The following ROCK2 variants were observed in gnomAD, a reference collection of about 807,000 sequenced individuals.
ROCK2 encodes Rho associated coiled-coil containing protein kinase 2.
ROCK2 carries 61 observed loss-of-function variants against 195.1 expected under a neutral mutation model. That is an observed-to-expected ratio of 0.31 (90% confidence interval 0.25 to 0.39). The LOEUF (loss-of-function observed/expected upper bound fraction) is 0.39, where lower values mean the gene tolerates loss of function less well. Among genes scored for constraint, ROCK2 ranks in the 10% least tolerant of loss-of-function variants. The probability of loss-of-function intolerance (pLI) is 1.00; values close to 1 mark genes in which losing one functional copy is unlikely to be tolerated. For synonymous variants in ROCK2, 504 were observed against 545.5 expected (o/e 0.92, Z 1.06); for missense variants, 1,109 against 1,637.4 (o/e 0.68, Z 5.57).
At chr2:11,224,230 A>G (rs1664735615) in intron 7 of ROCK2, 92 bp downstream of exon 7, 4 of 1,231,336 alleles carry the variant, frequency 3.2e-6, no homozygotes, top group Non-Finnish European at 4.6e-6. Context: ...TGAGAGGCAG[A>G]CTGATTTCAT....
At chr2:11,243,185 C>A (rs1422166043) in intron 4 of ROCK2, among the ~76,000 whole-genome samples, 4 of 152,136 alleles carry the variant, frequency 2.6e-5, no homozygotes, top group Admixed American at 2.6e-4. Context: ...GAAACTGGAT[C>A]CTCCTGCTAT....
intron 32 of ROCK2, among the ~76,000 whole-genome samples, 179 bp from the exon 33 acceptor site, chr2:11,183,619 C>A (rs1030238660): frequency 6.6e-6 from 1 of 152,168 alleles, no homozygotes. Context: ...ATAGGTACAA[C>A]ATGCAATTAT....
intron 3 of ROCK2, among the ~76,000 whole-genome samples, chr2:11,267,561 A>G (rs1484798678): frequency 6.6e-6 from 1 of 151,982 alleles, no homozygotes; most frequent in Admixed American, 6.6e-5. Context: ...AACCCCGAAC[A>G]ATAACAAAGC....
chr2:11,340,812 C>T (rs891211486), intron 1 of ROCK2, among the ~76,000 whole-genome samples: 1 of 152,086 alleles, frequency 6.6e-6, no homozygotes, highest in African/African-American at 2.4e-5. Context: ...TTTTAATCAC[C>T]TTTGCCCATC....
In ROCK2 at chr2:11,235,861, T is replaced by C; in HGVS notation, c.564A>G (p.Glu188=). The C allele has an allele frequency of 6.2e-7, 1 of 1,614,014 alleles. No homozygotes were observed. Residue 188 remains glutamate (E), a synonymous_variant, in exon 5 of 33, where the codon GAA becomes GAG. Transcript: ENST00000315872. The surrounding 1 kb of genome is among the most constrained non-coding windows in gnomAD (Gnocchi z 4.2). ...CAGCAGTGTAAAATTTGGCCCATTTTTCAGGCACATCATAATTACTCATAA... is the reference window on the plus strand; with the variant it reads ...CAGCAGTGTAAAATTTGGCCCATTTCTCAGGCACATCATAATTACTCATAA... ...VNLMSNYDVP[E]KWAKFYTAEV...
intron 3 of ROCK2, among the ~76,000 whole-genome samples, chr2:11,250,700 A>T (rs968931834): frequency 6.6e-6 from 1 of 152,134 alleles, no homozygotes; most frequent in Non-Finnish European, 1.5e-5. Flanking sequence ...TCTCTCAAAC[A>T]ACTTATCAAA....
At chr2:11,191,714 T>A (rs1415282672) in intron 32 of ROCK2, among the ~76,000 whole-genome samples, 4 of 151,972 alleles carry the variant, frequency 2.6e-5, no homozygotes, top group Non-Finnish European at 5.9e-5. Flanking sequence ...CGACAGGTTC[T>A]TGGAAAGTAT....
intron 5 of ROCK2, among the ~76,000 whole-genome samples, chr2:11,232,939 C>G (rs1665071025): frequency 6.6e-6 from 1 of 152,290 alleles, no homozygotes; most frequent in East Asian, 1.9e-4. Context: ...ACTGGTCAGG[C>G]ACAGTGCCTC....
intron 9 of ROCK2, among the ~76,000 whole-genome samples, chr2:11,220,745 T>C (rs1029459534): frequency 2.0e-5 from 3 of 152,130 alleles, no homozygotes; most frequent in Non-Finnish European, 4.4e-5. Flanking sequence ...CTCAAAACCT[T>C]TTCTTGTTAG....
At chr2:11,266,957 C>T (rs1431312530) in intron 3 of ROCK2, among the ~76,000 whole-genome samples, 3 of 152,072 alleles carry the variant, frequency 2.0e-5, no homozygotes, top group African/African-American at 7.2e-5. Flanking sequence ...ATGATAAAAA[C>T]AAAAATAAAA....
At chr2:11,198,041 G>C (rs1663704209) in intron 25 of ROCK2, among the ~76,000 whole-genome samples, 1 of 152,084 alleles carries the variant, frequency 6.6e-6, no homozygotes, top group Non-Finnish European at 1.5e-5. Context: ...TTTTATTCTG[G>C]AGGAAGAACA....
chr2:11,313,772 C>T (rs887541096), intron 1 of ROCK2, among the ~76,000 whole-genome samples: 11 of 151,898 alleles, frequency 7.2e-5, no homozygotes, highest in African/African-American at 2.4e-4. Flanking sequence ...CTCACTTTAC[C>T]TTTATCCTCT....
At chr2:11,264,630 G>A (rs1025932999) in intron 3 of ROCK2, among the ~76,000 whole-genome samples, 1 of 152,124 alleles carries the variant, frequency 6.6e-6, no homozygotes, top group South Asian at 2.1e-4. Context: ...AAAGTTCCGA[G>A]CAGTAACTGT....
intron 5 of ROCK2, among the ~76,000 whole-genome samples, chr2:11,232,192 G>C (rs532158602): frequency 6.6e-6 from 1 of 151,626 alleles, no homozygotes; most frequent in East Asian, 1.9e-4. Flanking sequence ...GGCCTGGCAC[G>C]ATCTCGGCTC....
chr2:11,267,676 C>A (rs1666465892), intron 3 of ROCK2, among the ~76,000 whole-genome samples: 1 of 151,512 alleles, frequency 6.6e-6, no homozygotes, highest in African/African-American at 2.4e-5. Flanking sequence ...GCGCCATACC[C>A]CTTGAGTATA....
intron 3 of ROCK2, among the ~76,000 whole-genome samples, chr2:11,282,389 T>C (rs1572356577): frequency 6.6e-6 from 1 of 151,808 alleles, no homozygotes; most frequent in Non-Finnish European, 1.5e-5. Context: ...AAGAACAAAA[T>C]GGGAGGGATG....
At chr2:11,309,296 C>A (rs1212439577) in intron 1 of ROCK2, among the ~76,000 whole-genome samples, 3 of 151,914 alleles carry the variant, frequency 2.0e-5, no homozygotes, top group Admixed American at 2.0e-4. Context: ...AACACTACAC[C>A]ATTTTATATA....
At chr2:11,300,813 T>G (rs913312757) in intron 1 of ROCK2, among the ~76,000 whole-genome samples, 3 of 152,054 alleles carry the variant, frequency 2.0e-5, no homozygotes, top group African/African-American at 7.2e-5. Context: ...CTAAGTTGAG[T>G]GGACCTACTC....
At chr2:11,339,663 C>T (rs917501659) in intron 1 of ROCK2, among the ~76,000 whole-genome samples, 5 of 151,802 alleles carry the variant, frequency 3.3e-5, no homozygotes, top group African/African-American at 1.2e-4. Flanking sequence ...ACACCATTTT[C>T]AGTAAATAAA....
Sources: gnomAD v4.1 joint callset for allele counts (sites outside exome capture counted in the v4.1 genomes callset) on GRCh38, gnomAD v4.1.1 for gene constraint, Gnocchi (gnomAD v3.1) non-coding constraint, MANE v1.5 for transcripts, NCBI Gene and HGNC (gene_info 2026-07-23, HGNC 2026-07-21) for gene names.